Variants in MAP4K5 observed in about 807,000 individuals in gnomAD.
MAP4K5 encodes the protein MAPK/ERK kinase kinase kinase 5.
A neutral mutation model predicts 135.6 loss-of-function variants in MAP4K5; 82 were observed. The observed-to-expected ratio is 0.60, with a 90% CI of 0.51 to 0.73. The LOEUF (loss-of-function observed/expected upper bound fraction) is 0.73, where lower values mean the gene tolerates loss of function less well. MAP4K5 is among the 30% of genes least tolerant of loss of function. The pLI is 0.00. For synonymous variants in MAP4K5, 347 were observed against 335.0 expected (o/e 1.04, Z -0.39); for missense variants, 907 against 1,010.9 (o/e 0.90, Z 1.39).
At chr14:50,517,094 A>G (rs180980433) in intron 2 of MAP4K5, among the ~76,000 whole-genome samples, 1 of 152,238 alleles carries the variant, frequency 6.6e-6, no homozygotes, top group African/African-American at 2.4e-5. Flanking sequence ...TTATAACATT[A>G]GATTCATGAC....
chr14:50,513,408 G>A (rs951237841), intron 2 of MAP4K5, among the ~76,000 whole-genome samples: 11 of 152,014 alleles, frequency 7.2e-5, no homozygotes, highest in African/African-American at 2.7e-4. Context: ...TGCCAGTTTT[G>A]TAAACTATGA....
intron 1 of MAP4K5, among the ~76,000 whole-genome samples, chr14:50,557,854 G>T: frequency 6.6e-6 from 1 of 152,240 alleles, no homozygotes; most frequent in East Asian, 1.9e-4. Context: ...TTGGAGAAAT[G>T]GCTATTCTAG....
intron 2 of MAP4K5, 94 bp downstream of exon 2, chr14:50,531,848 G>C (rs1165935428): frequency 1.1e-6 from 1 of 889,156 alleles, no homozygotes; most frequent in African/African-American, 1.7e-5. Flanking sequence ...AACAATAAAA[G>C]CATCCTCCTC....
At chr14:50,484,682 G>A (rs1264938969) in intron 5 of MAP4K5, among the ~76,000 whole-genome samples, 1 of 152,042 alleles carries the variant, frequency 6.6e-6, no homozygotes, top group Non-Finnish European at 1.5e-5. Flanking sequence ...CATATTACAG[G>A]TTGAAGAGTA....
At chr14:50,488,088 T>C (rs1389896766) in intron 3 of MAP4K5, among the ~76,000 whole-genome samples, 5 of 152,162 alleles carry the variant, frequency 3.3e-5, no homozygotes, top group African/African-American at 1.2e-4. Flanking sequence ...AGAGGTTTAA[T>C]TGACTTACAC....
chr14:50,477,638 C>G (rs2037131877), intron 6 of MAP4K5, among the ~76,000 whole-genome samples: 1 of 152,084 alleles, frequency 6.6e-6, no homozygotes, highest in Non-Finnish European at 1.5e-5. Flanking sequence ...TCAGGTTGAC[C>G]AAGTTCCTTT....
intron 13 of MAP4K5, among the ~76,000 whole-genome samples, chr14:50,460,675 T>C (rs746874085): frequency 6.6e-6 from 1 of 152,228 alleles, no homozygotes; most frequent in Admixed American, 6.5e-5. Flanking sequence ...CAACTAAATA[T>C]TCACTGGGTA....
At chr14:50,490,997 A>ATAT in intron 3 of MAP4K5, among the ~76,000 whole-genome samples, 1 of 152,216 alleles carries the variant, frequency 6.6e-6, no homozygotes, top group Admixed American at 6.5e-5. Flanking sequence ...GAACTGGAGT[A>ATAT]AGTCGGTTGC....
intron 1 of MAP4K5, among the ~76,000 whole-genome samples, chr14:50,547,876 C>A (rs1207624122): frequency 6.6e-6 from 1 of 152,176 alleles, no homozygotes; most frequent in Non-Finnish European, 1.5e-5. Flanking sequence ...AATGGACTTT[C>A]CAGGTACTAC....
intron 2 of MAP4K5, among the ~76,000 whole-genome samples, chr14:50,540,625 A>T (rs1311446367): frequency 6.6e-6 from 1 of 152,220 alleles, no homozygotes; most frequent in Non-Finnish European, 1.5e-5. Context: ...GCAGTCTCAA[A>T]ATACCGCCAA....
chr14:50,495,727 TAA>T (rs971974727), intron 3 of MAP4K5, among the ~76,000 whole-genome samples: 1 of 152,066 alleles, frequency 6.6e-6, no homozygotes, highest in African/African-American at 2.4e-5. Context: ...CATGCAGACT[TAA>T]AAAGGAAGGA....
At chr14:50,456,422 C>T in intron 14 of MAP4K5, 94 bp downstream of exon 14, 5 of 935,260 alleles carry the variant, frequency 5.3e-6, no homozygotes, top group Non-Finnish European at 8.5e-6. Flanking sequence ...AGTATGTAGC[C>T]TTAGTCTGAA....
In MAP4K5 at chr14:50,442,867, T is replaced by C. The variant is rs549549327; in HGVS notation, c.1480-51A>G. On this transcript the variant is annotated intron_variant, in intron 20 of 32. Coordinates refer to ENST00000682126, the MANE Select transcript of MAP4K5 (RefSeq NM_006575.6). ...ACTTATTTGATTAGAAAATTTTATA[T>C]ATTCTTGGAAAATAACTAACATCAT... The C allele has an allele frequency of 3.7e-6, 4 of 1,074,484 alleles. No homozygotes were observed. The South Asian group carries it at 5.9e-5, about 16-fold the overall frequency. The allele number at this position is 1,074,484 out of a possible 1,614,324, so 66.6% of individuals were successfully genotyped here. A position where few individuals can be genotyped will look rare whatever the true frequency, so the allele number is the denominator to read the frequency against.
At chr14:50,477,567 A>C (rs957596506) in intron 6 of MAP4K5, among the ~76,000 whole-genome samples, 9 of 152,136 alleles carry the variant, frequency 5.9e-5, no homozygotes, top group African/African-American at 1.9e-4. Context: ...TGGAGGAAAA[A>C]ACATCCCGTC....
intron 3 of MAP4K5, among the ~76,000 whole-genome samples, chr14:50,495,069 G>A (rs756654738): frequency 1.6e-4 from 24 of 152,066 alleles, no homozygotes; most frequent in Non-Finnish European, 2.9e-4. Flanking sequence ...AAAAACAGAC[G>A]AGACTACAAA....
At chr14:50,480,850 C>T (rs2139902438) in intron 6 of MAP4K5, among the ~76,000 whole-genome samples, 1 of 152,244 alleles carries the variant, frequency 6.6e-6, no homozygotes, top group Non-Finnish European at 1.5e-5. Flanking sequence ...ATTGTAGGAA[C>T]TGTAACACAA....
Position 50,443,876 on chromosome 14 carries a change from T to C in MAP4K5, c.1437+63A>G, listed in dbSNP as rs958072133. ...TTGAATTACTGAATTAAACAGACTATGCCCCTTGCATGATAAATATAGTAT... is the reference window on the plus strand; with the variant it reads ...TTGAATTACTGAATTAAACAGACTACGCCCCTTGCATGATAAATATAGTAT... On this transcript the variant is annotated intron_variant, in intron 19 of 32. Coordinates refer to ENST00000682126, the MANE Select transcript of MAP4K5 (RefSeq NM_006575.6). 5.2e-5 allele frequency: 76 copies of C among 1,465,656 alleles called. No individual in the cohort carries two copies. In the East Asian group the frequency reaches 1.7e-3, roughly 32 times the overall value. The allele number at this position is 1,465,656 out of a possible 1,614,324, so 90.8% of individuals were successfully genotyped here. A position where few individuals can be genotyped will look rare whatever the true frequency, so the allele number is the denominator to read the frequency against.
chr14:50,437,509 G>A lies in MAP4K5; in HGVS notation c.1849C>T (p.Pro617Ser). Residue 617 changes from proline to serine, a missense_variant, in exon 26 of 33, where the codon CCT becomes TCT. Around this residue, in one of 3 missense-constraint regions of MAP4K5, gnomAD observed 690 missense variants for 777.4 expected, o/e 0.89. Transcript: ENST00000682126. Reference sequence around the variant, plus strand: ...CATTTGTGGCAGCCTTTTGTATCAGGAATCTTTGTTGTTAAAGCGAATTTT... The same window carrying A: ...CATTTGTGGCAGCCTTTTGTATCAGAAATCTTTGTTGTTAAAGCGAATTTT... ...PRKFALTTKI[P>S]DTKGCHKCCI... 3 of 1,603,852 alleles carry A rather than the reference G, an allele frequency of 1.9e-6. No individual in the cohort carries two copies. The highest frequency in any genetic ancestry group is 2.6e-6 in the Non-Finnish European group (3 of 1,175,784).
chr14:50,421,336 G>A (rs1196714019), intron 32 of MAP4K5, among the ~76,000 whole-genome samples: 1 of 151,868 alleles, frequency 6.6e-6, no homozygotes, highest in African/African-American at 2.4e-5. Flanking sequence ...TCGGCACACT[G>A]CAACCTCCGC....
Sources: gnomAD v4.1 joint callset for allele counts (sites outside exome capture counted in the v4.1 genomes callset) on GRCh38, gnomAD v4.1.1 for gene constraint, gnomAD v4.1.1 regional missense constraint, MANE v1.5 for transcripts, NCBI Gene and HGNC (gene_info 2026-07-23, HGNC 2026-07-21) for gene names.